FCAMR: variants seen among roughly 807,000 people sequenced by gnomAD.
FCAMR encodes the protein Fc alpha and mu receptor.
In FCAMR, 51 loss-of-function variants were observed where a neutral mutation model predicts 52.2. That is an observed-to-expected ratio of 0.98 (90% CI 0.78 to 1.23). FCAMR has a LOEUF of 1.23. Ranked by LOEUF, FCAMR falls within the 50% of genes most tolerant of loss-of-function variation. The probability of loss-of-function intolerance (pLI) is 0.00; values close to 1 mark genes in which losing one functional copy is unlikely to be tolerated. For synonymous variants in FCAMR, 282 were observed against 262.0 expected (o/e 1.08, Z -0.74); for missense variants, 719 against 712.6 (o/e 1.01, Z -0.10).
At chr1:206,964,290 C>G (rs1680621014) in intron 4 of FCAMR, among the ~76,000 whole-genome samples, 1 of 152,248 alleles carries the variant, frequency 6.6e-6, no homozygotes, top group Admixed American at 6.5e-5. Context: ...ACATGTGGTT[C>G]AACATCTTGC....
In FCAMR at chr1:206,960,650, G is replaced by T. The variant is rs1260582621; in HGVS notation, c.1226C>A (p.Thr409Lys). The T allele has an allele frequency of 6.4e-7, 1 of 1,551,824 alleles. No homozygotes were observed. The highest frequency in any genetic ancestry group is 8.7e-7 in the Non-Finnish European group (1 of 1,147,038). Residue 409 changes from threonine (T) to lysine (K), a missense_variant, in exon 6 of 8, where the codon ACA (threonine) becomes AAA (lysine). Transcript: ENST00000324852. ...GGTCCACATGCCTGCAGCTGGAGTTGTTTCTCCAATGGAACCCTGAGATTG... is the reference window on the plus strand; with the variant it reads ...GGTCCACATGCCTGCAGCTGGAGTTTTTTCTCCAATGGAACCCTGAGATTG... ...KQQSQGSIGE[T>K]TPAAGMWTLG... is the part of the protein sequence containing the mutation.
chr1:206,960,933 T>TTGAAGGTGGACTCTC lies in FCAMR; in HGVS notation c.928_942dup (p.Glu310_Ser314dup). The stretch of plus-strand genomic sequence containing the variant: ...GTTGTATTGGACATGCTTCTGCTCT[T>TTGAAGGTGGACTCTC]TGAAGGTGGACTCTCTGGAATCGGA... On this transcript the variant is annotated inframe_insertion, in exon 6 of 8. Transcript: ENST00000324852. The TTGAAGGTGGACTCTC allele has an allele frequency of 6.4e-7, 1 of 1,552,272 alleles. No individual in the cohort carries two copies. Among genetic ancestry groups the TTGAAGGTGGACTCTC allele is most frequent in the Non-Finnish European group, 8.7e-7 (1 of 1,147,118 alleles).
chr1:206,960,383 T>C (rs1035663571), intron 6 of FCAMR, 39 bp downstream of exon 6: 13 of 1,462,436 alleles, frequency 8.9e-6, no homozygotes, highest in Admixed American at 2.8e-5. Context: ...ATGAGGCAGA[T>C]GTGGGGCCCC....
In FCAMR at chr1:206,958,432, G is replaced by A; in HGVS notation, c.*84C>T. On this transcript the variant is annotated 3_prime_UTR_variant, in exon 8 of 8. Coordinates refer to ENST00000324852, the MANE Select transcript of FCAMR (RefSeq NM_001170631.2). ...CTTCTCTTCCCACAGGTGGAGGAAG[G>A]ATGATGGAAAGAGGCTGGGGTCCTG... The A allele has an allele frequency of 7.2e-7, 1 of 1,397,160 alleles. No individual in the cohort carries two copies. The highest frequency in any genetic ancestry group is 9.6e-7 in the Non-Finnish European group (1 of 1,042,798). The allele number at this position is 1,397,160 out of a possible 1,614,324, so 86.5% of individuals were successfully genotyped here.
Position 206,970,182 on chromosome 1 carries a change from TTTGGACGACTTCTAG to T in FCAMR, c.-72_-58del. 1 of 1,593,084 alleles carries T rather than the reference TTTGGACGACTTCTAG, an allele frequency of 6.3e-7. No individual in the cohort carries two copies. The highest frequency in any genetic ancestry group is 8.6e-7 in the Non-Finnish European group (1 of 1,162,614). The stretch of plus-strand genomic sequence containing the variant: ...TTCTTCTCCTTATGAGATGCAGGTG[TTTGGACGACTTCTAG>T]TTGCTCTCCTTTAAACCTGGAGACT... On this transcript the variant is annotated 5_prime_UTR_variant, in exon 1 of 8. Transcript: ENST00000324852.
chr1:206,965,152 C>A (rs17018404), intron 4 of FCAMR, among the ~76,000 whole-genome samples: 27,653 of 152,104 alleles, frequency 0.18, 2,593 homozygotes, highest in East Asian at 0.33. Flanking sequence ...CAAACAAGGA[C>A]CATTTCAGGA....
chr1:206,963,230 C>T (rs946725945), intron 4 of FCAMR, among the ~76,000 whole-genome samples: 2 of 152,078 alleles, frequency 1.3e-5, no homozygotes, highest in Non-Finnish European at 2.9e-5. Flanking sequence ...AGTCACTTTT[C>T]CATAGAAACA....
chr1:206,960,246 C>T (rs771267861), intron 6 of FCAMR, 176 bp downstream of exon 6: 1 of 626,824 alleles, frequency 1.6e-6, no homozygotes, highest in Non-Finnish European at 2.8e-6. Context: ...CATGGAAATA[C>T]TCAGGGAGCG....
intron 2 of FCAMR, 85 bp downstream of exon 2, chr1:206,967,498 G>C (rs970089385): frequency 7.1e-7 from 1 of 1,403,910 alleles, no homozygotes; most frequent in Non-Finnish European, 1.0e-6. Flanking sequence ...TGGAATTGTG[G>C]GACCTTGGAA....
chr1:206,968,199 C>T (rs1169472425), intron 1 of FCAMR, among the ~76,000 whole-genome samples: 2 of 152,158 alleles, frequency 1.3e-5, no homozygotes, highest in Admixed American at 6.5e-5. Context: ...ATTAGCCTGA[C>T]GTGGTGGCAC....
At position 206,961,246 on chromosome 1, in the gene FCAMR, C is replaced by T. The variant is rs117620733; in HGVS notation, c.653-23G>A. 3.6e-3 allele frequency: 5,419 copies of T among 1,498,734 alleles called. 87 individuals are homozygous for T. In the East Asian group the frequency reaches 0.06, roughly 17 times the overall value. The allele number at this position is 1,498,734 out of a possible 1,614,324, so 92.8% of individuals were successfully genotyped here. On this transcript the variant is annotated intron_variant, in intron 5 of 7. Coordinates refer to ENST00000324852, the MANE Select transcript of FCAMR (RefSeq NM_001170631.2). ...GACCTGTGTGGACAGCAGAGGGAGGCCACATGGGAAGGCTGGCAGGCCACC... is the reference window on the plus strand; with the variant it reads ...GACCTGTGTGGACAGCAGAGGGAGGTCACATGGGAAGGCTGGCAGGCCACC...
At position 206,958,215 on chromosome 1, in the gene FCAMR, C is replaced by T; in HGVS notation, c.*301G>A. 1 of 285,984 alleles carries T rather than the reference C, an allele frequency of 3.5e-6. No homozygotes were observed. The allele number at this position is 285,984 out of a possible 1,614,324, so 17.7% of individuals were successfully genotyped here. ...GTCACTTTCCACACTGATTGGAAGC[C>T]TCTTCTATTTTCAAACATTCAGGAA... On this transcript the variant is annotated 3_prime_UTR_variant, in exon 8 of 8. Transcript: ENST00000324852.
chr1:206,959,244 G>A lies in FCAMR; in HGVS notation c.1573+435C>T, dbSNP rs201452056. Among the ~76,000 whole-genome samples the A allele has an allele frequency of 2.6e-5, 4 of 152,164 alleles. No individual in the cohort carries two copies. The East Asian group carries it at 7.7e-4, about 29-fold the overall frequency. On this transcript the variant is annotated intron_variant, in intron 7 of 7. Coordinates refer to ENST00000324852, the MANE Select transcript of FCAMR (RefSeq NM_001170631.2). ...CACGCCTATAATCCCAGCAATTTGG[G>A]AGGCCAAGGATCACTTGATGTCAAG...
At chr1:206,964,354 G>C (rs1409916515) in intron 4 of FCAMR, among the ~76,000 whole-genome samples, 1 of 152,020 alleles carries the variant, frequency 6.6e-6, no homozygotes, top group Non-Finnish European at 1.5e-5. Context: ...TAGGATGTCT[G>C]AACCCCAGAA....
At chr1:206,968,383 G>A (rs1450007679) in intron 1 of FCAMR, among the ~76,000 whole-genome samples, 1 of 152,182 alleles carries the variant, frequency 6.6e-6, no homozygotes, top group Non-Finnish European at 1.5e-5. Context: ...CACTTCTCTT[G>A]TATTCCCCAG....
At chr1:206,959,909 A>G in intron 6 of FCAMR, 112 bp from the exon 7 acceptor site, 1 of 838,458 alleles carries the variant, frequency 1.2e-6, no homozygotes, top group South Asian at 1.4e-5. Flanking sequence ...AGGCCAAAGC[A>G]AATGGGCAGC....
At chr1:206,967,696 T>A in intron 1 of FCAMR, 45 bp from the exon 2 acceptor site, 1 of 1,585,128 alleles carries the variant, frequency 6.3e-7, no homozygotes, top group Non-Finnish European at 8.7e-7. Flanking sequence ...AAGATTTCTG[T>A]TTCACTGTTA....
In FCAMR at chr1:206,962,859, G is replaced by T. The variant is rs1390051570; in HGVS notation, c.314-308C>A. The stretch of plus-strand genomic sequence containing the variant: ...CTCCAATGCAGATGTTTAAAAAGAT[G>T]CCATCTAAGCACACATGAGAGGGCT... On this transcript the variant is annotated intron_variant, in intron 4 of 7. Transcript: ENST00000324852. 3.3e-5 allele frequency among the ~76,000 whole-genome samples: 5 copies of T among 152,134 alleles called. No individual in the cohort carries two copies. In the East Asian group the frequency reaches 7.7e-4, roughly 23 times the overall value.
rs1680343516 is a variant in FCAMR, at chr1:206,958,393, A to C, written c.*123T>G. The stretch of plus-strand genomic sequence containing the variant: ...CCAGCCTTTCTTCCATGGGTGGAGC[A>C]CCGGCTGCATCAGCTTCTCTTCCCA... On this transcript the variant is annotated 3_prime_UTR_variant, in exon 8 of 8. Transcript: ENST00000324852. 8.9e-7 allele frequency: 1 copy of C among 1,128,030 alleles called. No individual in the cohort carries two copies. The highest frequency in any genetic ancestry group is 1.6e-5 in the African/African-American group (1 of 63,168). 69.9% of individuals were successfully genotyped at this position (1,128,030 alleles called of 1,614,324 possible). A position where few individuals can be genotyped will look rare whatever the true frequency, so the allele number is the denominator to read the frequency against.
Sources: gnomAD v4.1 joint callset for allele counts (sites outside exome capture counted in the v4.1 genomes callset) on GRCh38, gnomAD v4.1.1 for gene constraint, MANE v1.5 for transcripts, NCBI Gene and HGNC (gene_info 2026-07-23, HGNC 2026-07-21) for gene names.